Variants in SYNDIG1 observed in about 807,000 individuals in gnomAD.
SYNDIG1 encodes the protein synapse differentiation inducing 1, also known as synapse differentiation-inducing gene protein 1.
In SYNDIG1, 9 loss-of-function variants were observed where a neutral mutation model predicts 19.4. The observed-to-expected ratio is 0.46, with a 90% confidence interval of 0.28 to 0.81. The LOEUF (loss-of-function observed/expected upper bound fraction) is 0.81, where lower values mean the gene tolerates loss of function less well. SYNDIG1 is among the 30% of genes least tolerant of loss of function. The pLI, the probability that SYNDIG1 is intolerant of heterozygous loss-of-function variation, is 0.12. For synonymous variants in SYNDIG1, 141 were observed against 145.9 expected, an observed-to-expected ratio of 0.97 and a Z score of 0.24; for missense variants, 311 against 343.3, an observed-to-expected ratio of 0.91 and a Z score of 0.74.
intron 3 of SYNDIG1, among the ~76,000 whole-genome samples, chr20:24,587,769 A>T (rs1395362283): frequency 6.6e-6 from 1 of 152,188 alleles, no homozygotes; most frequent in African/African-American, 2.4e-5. Context: ...GGCAAAGAGC[A>T]TGTTGGTGGA....
intron 1 of SYNDIG1, among the ~76,000 whole-genome samples, chr20:24,515,937 T>C (rs1438186778): frequency 1.3e-5 from 2 of 152,134 alleles, no homozygotes; most frequent in African/African-American, 2.4e-5. Flanking sequence ...GACTTCAAAC[T>C]ATACTACAAG....
intron 1 of SYNDIG1, among the ~76,000 whole-genome samples, chr20:24,530,930 T>C (rs2057245581): frequency 1.3e-5 from 2 of 151,990 alleles, no homozygotes; most frequent in African/African-American, 4.8e-5. Flanking sequence ...TGCCTCAGGC[T>C]CCTGAGTAGC....
At chr20:24,557,775 A>T (rs2057853889) in intron 2 of SYNDIG1, among the ~76,000 whole-genome samples, 1 of 152,050 alleles carries the variant, frequency 6.6e-6, no homozygotes, top group South Asian at 2.1e-4. Context: ...CCACTTGAGG[A>T]GTCAGTCTGC....
chr20:24,499,272 G>A (rs768598178), intron 1 of SYNDIG1, among the ~76,000 whole-genome samples: 4 of 152,174 alleles, frequency 2.6e-5, no homozygotes, highest in Admixed American at 1.3e-4. Flanking sequence ...TGATCCAACC[G>A]CCTCAGCCTC....
At chr20:24,480,557 T>C (rs2055768400) in intron 1 of SYNDIG1, among the ~76,000 whole-genome samples, 1 of 152,156 alleles carries the variant, frequency 6.6e-6, no homozygotes. Context: ...CTATGGAAAA[T>C]AGTGTGGAGG....
chr20:24,471,602 T>TA (rs11442019), intron 1 of SYNDIG1, among the ~76,000 whole-genome samples: 14,321 of 132,932 alleles, frequency 0.11, 1,633 homozygotes, highest in African/African-American at 0.28. Flanking sequence ...AGGGCCTTGT[T>TA]AAAAAAAAAA....
chr20:24,627,447 G>A (rs1010868093), intron 3 of SYNDIG1, among the ~76,000 whole-genome samples: 4 of 152,288 alleles, frequency 2.6e-5, no homozygotes, highest in African/African-American at 9.6e-5. Context: ...GACTGGTCTA[G>A]GGTGAGGCCT....
At chr20:24,535,399 T>C (rs1417870828) in intron 1 of SYNDIG1, among the ~76,000 whole-genome samples, 1 of 152,248 alleles carries the variant, frequency 6.6e-6, no homozygotes, top group Non-Finnish European at 1.5e-5. Context: ...AATGGAAGGT[T>C]TATTTACAAA....
chr20:24,600,787 G>A (rs1485350862), intron 3 of SYNDIG1, among the ~76,000 whole-genome samples: 1 of 151,870 alleles, frequency 6.6e-6, no homozygotes, highest in African/African-American at 2.4e-5. Flanking sequence ...GCTAATTTTT[G>A]TATTCTTAGT....
At chr20:24,550,820 G>A (rs1172606036) in intron 2 of SYNDIG1, among the ~76,000 whole-genome samples, 1 of 152,120 alleles carries the variant, frequency 6.6e-6, no homozygotes, top group African/African-American at 2.4e-5. Context: ...TACATTAACT[G>A]CTTTGCAGAT....
intron 3 of SYNDIG1, among the ~76,000 whole-genome samples, chr20:24,656,603 G>C (rs1002087681): frequency 4.6e-5 from 7 of 152,210 alleles, no homozygotes; most frequent in African/African-American, 7.2e-5. Context: ...ATGCAGGACC[G>C]AGCTGAAGCC....
At chr20:24,532,403 C>G (rs2057278409) in intron 1 of SYNDIG1, among the ~76,000 whole-genome samples, 1 of 152,108 alleles carries the variant, frequency 6.6e-6, no homozygotes, top group Non-Finnish European at 1.5e-5. Flanking sequence ...ATGAAATGTC[C>G]AGAATAGGCA....
intron 1 of SYNDIG1, among the ~76,000 whole-genome samples, chr20:24,519,367 G>T (rs965291861): frequency 2.0e-5 from 3 of 152,128 alleles, no homozygotes; most frequent in African/African-American, 7.2e-5. Flanking sequence ...TATGCTTTTG[G>T]TTTATTTCAG....
chr20:24,479,993 G>C (rs1269463028), intron 1 of SYNDIG1, among the ~76,000 whole-genome samples: 1 of 152,144 alleles, frequency 6.6e-6, no homozygotes, highest in Admixed American at 6.5e-5. Context: ...CACACTCCAT[G>C]GTCCCACACG....
chr20:24,512,587 G>A (rs555286414), intron 1 of SYNDIG1, among the ~76,000 whole-genome samples: 1 of 152,242 alleles, frequency 6.6e-6, no homozygotes, highest in East Asian at 1.9e-4. Context: ...CAGCGAGGCT[G>A]GGGGAGGGGC....
At chr20:24,593,065 T>C (rs2058538248) in intron 3 of SYNDIG1, among the ~76,000 whole-genome samples, 1 of 152,156 alleles carries the variant, frequency 6.6e-6, no homozygotes, top group African/African-American at 2.4e-5. Context: ...AAAACTCAGT[T>C]TGTCTTTCTT....
intron 3 of SYNDIG1, among the ~76,000 whole-genome samples, chr20:24,594,972 T>C (rs770127581): frequency 2.6e-5 from 4 of 152,204 alleles, no homozygotes; most frequent in African/African-American, 4.8e-5. Flanking sequence ...CAGAGATAGT[T>C]TGACTTCTCT....
intron 3 of SYNDIG1, among the ~76,000 whole-genome samples, chr20:24,661,319 G>GGGAAGAGGGAGGAA (rs2059583550): frequency 8.1e-6 from 1 of 122,924 alleles, no homozygotes; most frequent in African/African-American, 2.8e-5. Flanking sequence ...GGAAAGGGGA[G>GGGAAGAGGGAGGAA]GGAGGGAAGA....
chr20:24,604,055 A>G (rs1456867970), intron 3 of SYNDIG1, among the ~76,000 whole-genome samples: 1 of 152,008 alleles, frequency 6.6e-6, no homozygotes, highest in Admixed American at 6.6e-5. Flanking sequence ...AAAACAAACA[A>G]CATTTTCATG....
Sources: gnomAD v4.1 joint callset for allele counts (sites outside exome capture counted in the v4.1 genomes callset) on GRCh38, gnomAD v4.1.1 for gene constraint, MANE v1.5 for transcripts, NCBI Gene and HGNC (gene_info 2026-07-23, HGNC 2026-07-21) for gene names.